Variants in CFAP206 observed in about 807,000 individuals in gnomAD.
CFAP206 encodes the protein cilia and flagella associated protein 206.
A neutral mutation model predicts 65.4 loss-of-function variants in CFAP206; 53 were observed. The ratio of observed to expected loss-of-function variants is 0.81; its 90% CI spans 0.65 to 1.02. The LOEUF is 1.02. Ranked by LOEUF, CFAP206 falls within the 50% of genes least tolerant of loss-of-function variation. CFAP206 has a pLI of 0.00. For synonymous variants in CFAP206, 250 were observed against 254.4 expected, an observed-to-expected ratio of 0.98 and a Z score of 0.17; for missense variants, 663 against 753.2, an observed-to-expected ratio of 0.88 and a Z score of 1.40.
chr6:87,451,876 GAA>G (rs57932058), intron 11 of CFAP206, among the ~76,000 whole-genome samples: 1 of 139,344 alleles, frequency 7.2e-6, no homozygotes, highest in Non-Finnish European at 1.6e-5. Flanking sequence ...CATCTCAAAA[GAA>G]AAAAAAAAAA....
intron 10 of CFAP206, among the ~76,000 whole-genome samples, chr6:87,434,337 A>C (rs753369332): frequency 6.6e-6 from 1 of 151,624 alleles, no homozygotes; most frequent in Admixed American, 6.6e-5. Context: ...TTGATGCTGC[A>C]GTGAGCTGAG....
At chr6:87,411,786 A>G (rs1767739995) in intron 3 of CFAP206, among the ~76,000 whole-genome samples, 1 of 152,142 alleles carries the variant, frequency 6.6e-6, no homozygotes, top group Non-Finnish European at 1.5e-5. Flanking sequence ...TCTCCAGTGT[A>G]TGTTTCTGTT....
At chr6:87,460,349 C>T (rs1292984097) in intron 11 of CFAP206, among the ~76,000 whole-genome samples, 1 of 152,182 alleles carries the variant, frequency 6.6e-6, no homozygotes, top group Non-Finnish European at 1.5e-5. Flanking sequence ...TTGAGTTCAA[C>T]ATATGTCTTA....
chr6:87,411,555 T>C (rs1767735859), intron 3 of CFAP206, among the ~76,000 whole-genome samples: 1 of 152,262 alleles, frequency 6.6e-6, no homozygotes, highest in Non-Finnish European at 1.5e-5. Context: ...TTTGTCTATT[T>C]CTGTTGCATT....
intron 8 of CFAP206, among the ~76,000 whole-genome samples, chr6:87,428,082 G>T (rs1326330836): frequency 1.3e-5 from 2 of 150,218 alleles, no homozygotes; most frequent in African/African-American, 4.9e-5. Context: ...CCGCCTCCCG[G>T]GTTCAAGCGA....
At chr6:87,438,391 T>G (rs1186014212) in intron 11 of CFAP206, among the ~76,000 whole-genome samples, 3 of 141,584 alleles carry the variant, frequency 2.1e-5, no homozygotes, top group Non-Finnish European at 3.0e-5. Context: ...AACCAGGGAG[T>G]CAGAGGTTGC....
intron 6 of CFAP206, 121 bp downstream of exon 6, chr6:87,416,948 C>T (rs2127948261): frequency 2.3e-6 from 2 of 873,532 alleles, no homozygotes; most frequent in Middle Eastern, 3.1e-4. Flanking sequence ...GCATTTTTTA[C>T]TGTTTCCTTA....
At position 87,418,241 on chromosome 6, in the gene CFAP206, C is replaced by T. The variant is rs771395069; in HGVS notation, c.665C>T (p.Thr222Ile). The change falls in exon 7 of 13, where the codon ACC becomes ATC. Residue 222 changes from threonine to isoleucine, a missense_variant. Coordinates refer to ENST00000369562, the MANE Select transcript of CFAP206 (RefSeq NM_001031743.3). ...PAVLHVAIPA[T>I]MQHIDYQLET... ...GTTCTCCATGTAGCAATCCCAGCCA[C>T]CATGCAGCATATTGATTACCAGCTT... The T allele has an allele frequency of 1.2e-6, 2 of 1,614,182 alleles. No individual in the cohort carries two copies. Among genetic ancestry groups the T allele is most frequent in the Non-Finnish European group, 1.7e-6 (2 of 1,180,040 alleles).
intron 11 of CFAP206, chr6:87,441,213 T>C (rs1035139564): frequency 2.4e-4 from 72 of 301,468 alleles, no homozygotes; most frequent in Non-Finnish European, 3.4e-4. Flanking sequence ...AAAACAAAAT[T>C]GTAATCATTG....
chr6:87,435,150 G>C, intron 11 of CFAP206, 97 bp downstream of exon 11: 2 of 839,624 alleles, frequency 2.4e-6, no homozygotes, highest in Admixed American at 2.6e-5. Context: ...GGTCCACACA[G>C]AGAGAGTCAG....
intron 7 of CFAP206, among the ~76,000 whole-genome samples, chr6:87,425,333 C>G (rs527591151): frequency 6.6e-6 from 1 of 152,312 alleles, no homozygotes; most frequent in East Asian, 1.9e-4. Flanking sequence ...AGTTCACTAC[C>G]TTTAATAACC....
At chr6:87,460,315 A>G (rs1203317090) in intron 11 of CFAP206, among the ~76,000 whole-genome samples, 1 of 152,234 alleles carries the variant, frequency 6.6e-6, no homozygotes, top group Non-Finnish European at 1.5e-5. Context: ...AACCTTGGAT[A>G]ATAACCTGCT....
intron 9 of CFAP206, 130 bp downstream of exon 9, chr6:87,428,954 A>G: frequency 1.1e-6 from 1 of 941,824 alleles, no homozygotes; most frequent in Non-Finnish European, 1.6e-6. Context: ...TAAAGTACTA[A>G]TGAGGGCCGG....
intron 11 of CFAP206, among the ~76,000 whole-genome samples, chr6:87,452,757 C>T (rs545566159): frequency 6.6e-6 from 1 of 151,922 alleles, no homozygotes; most frequent in Non-Finnish European, 1.5e-5. Context: ...AGCTTGAAGA[C>T]AGGCTCTTTG....
chr6:87,447,143 G>C (rs1168243692), intron 11 of CFAP206, among the ~76,000 whole-genome samples: 1 of 152,072 alleles, frequency 6.6e-6, no homozygotes, highest in Non-Finnish European at 1.5e-5. Flanking sequence ...TCTGGAAACA[G>C]ACAGTTTTAC....
At chr6:87,438,883 C>T (rs1467573302) in intron 11 of CFAP206, among the ~76,000 whole-genome samples, 2 of 152,174 alleles carry the variant, frequency 1.3e-5, no homozygotes, top group Non-Finnish European at 2.9e-5. Flanking sequence ...CCACAAAATA[C>T]AGTGCACCTC....
At chr6:87,422,375 G>T (rs960401660) in intron 7 of CFAP206, among the ~76,000 whole-genome samples, 2 of 150,740 alleles carry the variant, frequency 1.3e-5, no homozygotes, top group Non-Finnish European at 3.0e-5. Context: ...TCTTGAATCC[G>T]GGAGGCAGAG....
chr6:87,409,257 G>A (rs1213509324), intron 1 of CFAP206, among the ~76,000 whole-genome samples: 2 of 140,644 alleles, frequency 1.4e-5, no homozygotes, highest in African/African-American at 2.7e-5. Context: ...ACACAGTTTC[G>A]CTCTTGTTGC....
chr6:87,428,905 A>G (rs1176712604), intron 9 of CFAP206, 81 bp downstream of exon 9: 7 of 1,315,598 alleles, frequency 5.3e-6, no homozygotes, highest in South Asian at 2.5e-5. Flanking sequence ...TAAAAATTTC[A>G]TATCTTTCTG....
Sources: allele counts gnomAD v4.1 joint callset (sites outside exome capture counted in the v4.1 genomes callset), GRCh38; gene constraint gnomAD v4.1.1; transcripts MANE v1.5; gene names NCBI Gene and HGNC (gene_info 2026-07-23, HGNC 2026-07-21).